The following XCR1 variants were observed in gnomAD, a reference collection of about 807,000 sequenced individuals.
XCR1 encodes chemokine XC receptor 1.
For missense variants in XCR1, 356 were observed against 424.2 expected, an observed-to-expected ratio of 0.84 and a Z score of 1.41; for synonymous variants, 187 against 188.5, an observed-to-expected ratio of 0.99 and a Z score of 0.06.
chr3:46,024,541 A>G (rs1708248971), intron 1 of XCR1, among the ~76,000 whole-genome samples: 1 of 152,256 alleles, frequency 6.6e-6, no homozygotes, highest in Non-Finnish European at 1.5e-5. Context: ...AATGCCATAA[A>G]TGATAATGCA....
rs148155180 is a variant in XCR1, at chr3:46,084,958, A to ATT, written c.-515+834_-515+835dup. 1.6e-3 allele frequency among the ~76,000 whole-genome samples: 245 copies of ATT among 151,362 alleles called. 1 individual carries two copies. Among genetic ancestry groups the ATT allele is most frequent in the African/African-American group, 5.8e-3 (238 of 41,310 alleles). On this transcript the variant is annotated intron_variant, in intron 1 of 5. Coordinates refer to the XCR1 transcript ENST00000683768. The stretch of plus-strand genomic sequence containing the variant: ...CTCCCGAATCTAAAATAAAAGTTGG[A>ATT]TTTTTTTTTTAAAGCCTGAATGCAA...
At chr3:46,068,632 T>C (rs1235799041) in intron 3 of XCR1, among the ~76,000 whole-genome samples, 1 of 152,202 alleles carries the variant, frequency 6.6e-6, no homozygotes, top group East Asian at 1.9e-4. Context: ...CTGATTCTTT[T>C]AAAGATGCCG....
chr3:46,071,454 C>G (rs1698162907), intron 3 of XCR1, among the ~76,000 whole-genome samples: 1 of 152,104 alleles, frequency 6.6e-6, no homozygotes, highest in East Asian at 1.9e-4. Flanking sequence ...TTCACCCTGA[C>G]TCATTCCACA....
chr3:46,080,184 CAAAAAA>C (rs202215316), intron 1 of XCR1, among the ~76,000 whole-genome samples: 3 of 132,062 alleles, frequency 2.3e-5, no homozygotes, highest in African/African-American at 7.9e-5. Flanking sequence ...GTCCTTGTCT[CAAAAAA>C]AAAAAAAGAA....
chr3:46,032,671 A>G lies in XCR1; in HGVS notation c.-31-10693T>C, dbSNP rs192506140. ...CCCCCAAAGATCTTGTAACAATAAGACTATGTTTAGCTTTGTAATAAACTG... is the reference window on the plus strand; with the variant it reads ...CCCCCAAAGATCTTGTAACAATAAGGCTATGTTTAGCTTTGTAATAAACTG... On this transcript the variant is annotated intron_variant, in intron 5 of 5. Coordinates refer to the XCR1 transcript ENST00000683768. Among the ~76,000 whole-genome samples the G allele has an allele frequency of 6.6e-4, 101 of 152,318 alleles. 1 individual carries two copies. The highest frequency in any genetic ancestry group is 2.3e-3 in the African/African-American group (97 of 41,558).
upstream of XCR1, among the ~76,000 whole-genome samples, chr3:46,030,088 T>C (rs1030928675): frequency 1.3e-5 from 2 of 152,050 alleles, no homozygotes; most frequent in Non-Finnish European, 2.9e-5. Flanking sequence ...CAGTTCTCTA[T>C]GTACTATAAA....
At chr3:46,077,732 T>G (rs984229747) in intron 1 of XCR1, among the ~76,000 whole-genome samples, 1 of 152,184 alleles carries the variant, frequency 6.6e-6, no homozygotes, top group Non-Finnish European at 1.5e-5. Context: ...TCAAATAGCT[T>G]TGTATCAGTC....
intron 5 of XCR1, among the ~76,000 whole-genome samples, chr3:46,033,944 A>G (rs1239860500): frequency 2.0e-5 from 3 of 150,502 alleles, no homozygotes; most frequent in Non-Finnish European, 2.9e-5. Context: ...TCTTGTTTTC[A>G]ATTTCAAATT....
At chr3:46,071,922 A>G (rs1698171472) in intron 3 of XCR1, among the ~76,000 whole-genome samples, 1 of 152,114 alleles carries the variant, frequency 6.6e-6, no homozygotes, top group Admixed American at 6.5e-5. Context: ...GTCCACATTT[A>G]CCACTCCTAT....
At chr3:46,024,214 C>CA (rs35174940) in intron 1 of XCR1, 9,583 of 197,806 alleles carry the variant, frequency 0.048, 176 homozygotes, top group African/African-American at 0.078. Context: ...GTTAATCCAG[C>CA]AAAAAAAAAA....
At chr3:46,024,214 CAAA>C (rs35174940) in intron 1 of XCR1, 18,077 of 197,124 alleles carry the variant, frequency 0.092, 2,750 homozygotes, top group African/African-American at 0.4. Flanking sequence ...GTTAATCCAG[CAAA>C]AAAAAAAAAA....
intron 1 of XCR1, among the ~76,000 whole-genome samples, chr3:46,082,033 G>A (rs540211979): frequency 6.6e-6 from 1 of 152,192 alleles, no homozygotes; most frequent in South Asian, 2.1e-4. Context: ...GGTACTATTG[G>A]CCAATCCCTG....
chr3:46,067,221 G>A (rs1220690088), intron 3 of XCR1, among the ~76,000 whole-genome samples: 2 of 152,206 alleles, frequency 1.3e-5, no homozygotes, highest in Non-Finnish European at 2.9e-5. Context: ...CAGGCTCTGA[G>A]CATAGCAGCT....
chr3:46,020,773 T>G lies in XCR1; in HGVS notation c.*173A>C. ...AGGTAGGAAGCCACTTTCCCGCAGA[T>G]GAGAGGCTGGCGGGACCCACTGGTG... On this transcript the variant is annotated 3_prime_UTR_variant, in exon 2 of 2. Coordinates refer to ENST00000309285, the MANE Select transcript of XCR1 (RefSeq NM_001024644.2). 1.1e-6 allele frequency: 1 copy of G among 896,842 alleles called. No individual in the cohort carries two copies. The highest frequency in any genetic ancestry group is 1.6e-6 in the Non-Finnish European group (1 of 616,864). 55.6% of individuals were successfully genotyped at this position (896,842 alleles called of 1,614,324 possible). A position where few individuals can be genotyped will look rare whatever the true frequency, so the allele number is the denominator to read the frequency against.
intron 4 of XCR1, among the ~76,000 whole-genome samples, chr3:46,058,220 T>A (rs1291841087): frequency 1.3e-5 from 2 of 152,222 alleles, no homozygotes. Flanking sequence ...TTCCTGGATA[T>A]TCCTGATCAA....
At chr3:46,084,400 A>G (rs975072281) in intron 1 of XCR1, among the ~76,000 whole-genome samples, 3 of 152,246 alleles carry the variant, frequency 2.0e-5, no homozygotes, top group Non-Finnish European at 2.9e-5. Context: ...ATGAAAAGCT[A>G]TCACATCTCA....
intron 4 of XCR1, among the ~76,000 whole-genome samples, chr3:46,056,322 C>T (rs987790029): frequency 6.6e-6 from 1 of 152,126 alleles, no homozygotes; most frequent in East Asian, 1.9e-4. Context: ...GGATTACAGG[C>T]GTGAGCCACT....
At chr3:46,029,881 G>T (rs1708366326), upstream of XCR1, among the ~76,000 whole-genome samples, 1 of 151,984 alleles carries the variant, frequency 6.6e-6, no homozygotes, top group Admixed American at 6.6e-5. Context: ...TAGATTTTGT[G>T]CATTCTTGGT....
chr3:46,020,821 G>C lies in XCR1; in HGVS notation c.*125C>G. 7.7e-7 allele frequency: 1 copy of C among 1,303,764 alleles called. No homozygotes were observed. The highest frequency in any genetic ancestry group is 1.0e-6 in the Non-Finnish European group (1 of 976,986). 80.8% of individuals were successfully genotyped at this position (1,303,764 alleles called of 1,614,324 possible). On this transcript the variant is annotated 3_prime_UTR_variant, in exon 2 of 2. Transcript: ENST00000309285. The stretch of plus-strand genomic sequence containing the variant: ...GTGTAATGAATGACCTTCACTGCAC[G>C]CCTGCAGCGGAGGAGACGTCTCCAC...
Sources: allele counts gnomAD v4.1 joint callset (sites outside exome capture counted in the v4.1 genomes callset), GRCh38; gene constraint gnomAD v4.1.1; transcripts MANE v1.5; gene names NCBI Gene and HGNC (gene_info 2026-07-23, HGNC 2026-07-21).